The following B4GALT1 variants were observed in gnomAD, a reference collection of about 807,000 sequenced individuals.
B4GALT1 encodes the protein beta-1,4-galactosyltransferase 1, also known as N-acetyllactosamine synthase.
Under a neutral mutation model 34.9 loss-of-function variants are expected in B4GALT1, and 16 were observed. The ratio of observed to expected loss-of-function variants is 0.46; its 90% CI spans 0.31 to 0.70. B4GALT1 has a LOEUF of 0.70. Among genes scored for constraint, B4GALT1 ranks in the 30% least tolerant of loss-of-function variants. B4GALT1 has a pLI of 0.05. For missense variants in B4GALT1, 445 were observed against 530.5 expected (o/e 0.84, Z 1.58); for synonymous variants, 221 against 218.1 (o/e 1.01, Z -0.12).
chr9:33,154,219 A>G (rs1231094394), intron 1 of B4GALT1, among the ~76,000 whole-genome samples: 3 of 152,262 alleles, frequency 2.0e-5, no homozygotes, highest in African/African-American at 7.2e-5. Flanking sequence ...ATAATATACC[A>G]TATCAATAGA....
chr9:33,114,023 C>T, intron 4 of B4GALT1, 145 bp from the exon 5 acceptor site: 2 of 749,780 alleles, frequency 2.7e-6, no homozygotes, highest in South Asian at 1.5e-5. Flanking sequence ...AGAACCCAGC[C>T]CAGCATGACC....
At position 33,113,319 on chromosome 9, in the gene B4GALT1, G is replaced by A; in HGVS notation, c.*135C>T. ...CCCACTCGTCCTGGTCATCTGGAAA[G>A]CCATCTGAATGATGAGCGAAGGGGA... On this transcript the variant is annotated 3_prime_UTR_variant, in exon 6 of 6. Coordinates refer to ENST00000379731, the MANE Select transcript of B4GALT1 (RefSeq NM_001497.4). The A allele has an allele frequency of 7.5e-7, 1 of 1,336,720 alleles. No homozygotes were observed. The highest frequency in any genetic ancestry group is 1.1e-6 in the Non-Finnish European group (1 of 933,336). The allele number at this position is 1,336,720 out of a possible 1,614,324, so 82.8% of individuals were successfully genotyped here.
the B4GALT1 span, among the ~76,000 whole-genome samples, chr9:33,173,797 C>G: frequency 6.6e-6 from 1 of 152,018 alleles, no homozygotes; most frequent in African/African-American, 2.4e-5. Context: ...CCTGGAAACT[C>G]TTGTGTCAGA....
chr9:33,142,593 G>T (rs1193023042), intron 1 of B4GALT1, among the ~76,000 whole-genome samples: 1 of 152,012 alleles, frequency 6.6e-6, no homozygotes, highest in Non-Finnish European at 1.5e-5. Flanking sequence ...GCCACTATTT[G>T]TTTCTTTCCC....
At chr9:33,149,160 G>C (rs1236730747) in intron 1 of B4GALT1, among the ~76,000 whole-genome samples, 1 of 150,592 alleles carries the variant, frequency 6.6e-6, no homozygotes, top group African/African-American at 2.5e-5. Context: ...CTAAAACCCA[G>C]TGGATATCAA....
At chr9:33,138,452 C>T (rs955755740) in intron 1 of B4GALT1, among the ~76,000 whole-genome samples, 3 of 152,120 alleles carry the variant, frequency 2.0e-5, no homozygotes, top group Non-Finnish European at 1.5e-5. Context: ...GATCTTTAGA[C>T]AAATCCTTGC....
In B4GALT1 at chr9:33,152,309, AATAACATAACATAAC is replaced by A. The variant is rs370702963; in HGVS notation, c.412+14434_412+14448del. On this transcript the variant is annotated intron_variant, in intron 1 of 5. Coordinates refer to ENST00000379731, the MANE Select transcript of B4GALT1 (RefSeq NM_001497.4). ...ACAGAGCAAGACTCCCTCTCCAAAA[AATAACATAACATAAC>A]ATAACATAACATAACATAACATAAC... 6.0e-3 allele frequency among the ~76,000 whole-genome samples: 737 copies of A among 122,062 alleles called. 4 individuals are homozygous for A. Among genetic ancestry groups the A allele is most frequent in the African/African-American group, 7.3e-3 (260 of 35,678 alleles). 80.1% of individuals were successfully genotyped at this position (122,062 alleles called of 152,430 possible). A position where few individuals can be genotyped will look rare whatever the true frequency, so the allele number is the denominator to read the frequency against.
At position 33,156,730 on chromosome 9, in the gene B4GALT1, C is replaced by A. The variant is rs542201848; in HGVS notation, c.412+10028G>T. On this transcript the variant is annotated intron_variant, in intron 1 of 5. Coordinates refer to ENST00000379731, the MANE Select transcript of B4GALT1 (RefSeq NM_001497.4). ...TGAGTTAAATGATCAGGCGCCCAGG[C>A]TAGCCCAACAGAATATAAGTTTCTA... is the stretch of plus-strand genomic sequence containing the variant. Among the ~76,000 whole-genome samples the A allele has an allele frequency of 2.6e-5, 4 of 152,336 alleles. No individual in the cohort carries two copies. In the East Asian group the frequency reaches 5.8e-4, roughly 22 times the overall value.
chr9:33,154,869 A>T (rs1840574410), intron 1 of B4GALT1, among the ~76,000 whole-genome samples: 1 of 151,976 alleles, frequency 6.6e-6, no homozygotes, highest in Non-Finnish European at 1.5e-5. Flanking sequence ...GGCTATAATT[A>T]GTGTATTTTA....
intron 2 of B4GALT1, among the ~76,000 whole-genome samples, chr9:33,122,469 T>C (rs1387275926): frequency 2.6e-5 from 4 of 151,892 alleles, no homozygotes; most frequent in Non-Finnish European, 5.9e-5. Flanking sequence ...ACGGCACCAC[T>C]GCACTCCAGC....
exon 3 of B4GALT1, chr9:33,104,707 A>G (rs1042836245): frequency 3.3e-5 from 15 of 453,902 alleles, no homozygotes; most frequent in African/African-American, 3.0e-4. Context: ...GGGACTAACC[A>G]CCATGCGCTG....
Position 33,113,404 on chromosome 9 carries a change from C to T in B4GALT1, c.*50G>A, listed in dbSNP as rs778858783. 10 of 1,613,368 alleles carry T rather than the reference C, an allele frequency of 6.2e-6. No individual in the cohort carries two copies. The highest frequency in any genetic ancestry group is 1.7e-4 in the Middle Eastern group (1 of 5,890). On this transcript the variant is annotated 3_prime_UTR_variant, in exon 6 of 6. Coordinates refer to ENST00000379731, the MANE Select transcript of B4GALT1 (RefSeq NM_001497.4). ...AGCCCAGCAGATTGGCAGAGACACA[C>T]AGCAGAGGTCCCTGGCTAATTTCAG...
intron 1 of B4GALT1, among the ~76,000 whole-genome samples, chr9:33,148,215 G>A (rs1289453545): frequency 6.6e-6 from 1 of 152,160 alleles, no homozygotes; most frequent in Non-Finnish European, 1.5e-5. Context: ...ATTTACCTAA[G>A]AGGAATCCCA....
the B4GALT1 span, among the ~76,000 whole-genome samples, chr9:33,173,335 G>A: frequency 6.6e-6 from 1 of 151,556 alleles, no homozygotes; most frequent in Admixed American, 6.6e-5. Flanking sequence ...AACCTGGGAG[G>A]CAGAGGTTGC....
At chr9:33,173,777 A>G in the B4GALT1 span, among the ~76,000 whole-genome samples, 1 of 152,210 alleles carries the variant, frequency 6.6e-6, no homozygotes, top group Non-Finnish European at 1.5e-5. Context: ...TAGGAATATT[A>G]CAAGATGAAC....
In B4GALT1 at chr9:33,113,336, C is replaced by T. The variant is rs1431778217; in HGVS notation, c.*118G>A. On this transcript the variant is annotated 3_prime_UTR_variant, in exon 6 of 6. Transcript: ENST00000379731. The stretch of plus-strand genomic sequence containing the variant: ...TCTGGAAAGCCATCTGAATGATGAG[C>T]GAAGGGGACCTGTCACTCAGACTGG... 1.3e-5 allele frequency: 19 copies of T among 1,467,794 alleles called. No homozygotes were observed. Among genetic ancestry groups the T allele is most frequent in the East Asian group, 6.8e-5 (3 of 44,164 alleles). The allele number at this position is 1,467,794 out of a possible 1,614,324, so 90.9% of individuals were successfully genotyped here.
chr9:33,134,304 T>C (rs956234895), intron 2 of B4GALT1, among the ~76,000 whole-genome samples: 4 of 152,174 alleles, frequency 2.6e-5, no homozygotes. Flanking sequence ...GAAATGGACA[T>C]TGGGCCTTGT....
At chr9:33,147,031 C>T (rs949311066) in intron 1 of B4GALT1, among the ~76,000 whole-genome samples, 1 of 152,050 alleles carries the variant, frequency 6.6e-6, no homozygotes, top group Non-Finnish European at 1.5e-5. Flanking sequence ...GAAGGCAACA[C>T]AGTAGGAAGG....
chr9:33,149,287 C>CTT (rs1280299030), intron 1 of B4GALT1, among the ~76,000 whole-genome samples: 2 of 146,464 alleles, frequency 1.4e-5, no homozygotes, highest in African/African-American at 2.5e-5. Context: ...TATTTATTTA[C>CTT]TTTTTTTTTT....
Sources: gnomAD v4.1 joint callset for allele counts (sites outside exome capture counted in the v4.1 genomes callset) on GRCh38, gnomAD v4.1.1 for gene constraint, MANE v1.5 for transcripts, NCBI Gene and HGNC (gene_info 2026-07-23, HGNC 2026-07-21) for gene names.